Variants in BCAS3 observed in about 807,000 individuals in gnomAD.
The protein encoded by BCAS3 is BCAS3 microtubule associated cell migration factor.
BCAS3 carries 53 observed loss-of-function variants against 116.1 expected under a neutral mutation model. That is an observed-to-expected ratio of 0.46 (90% confidence interval 0.37 to 0.57). BCAS3 has a LOEUF of 0.57. BCAS3 is among the 20% of genes least tolerant of loss of function. The pLI, the probability that BCAS3 is intolerant of heterozygous loss-of-function variation, is 0.00. For synonymous variants in BCAS3, 391 were observed against 408.2 expected, an observed-to-expected ratio of 0.96 and a Z score of 0.51; for missense variants, 917 against 1,165.4, an observed-to-expected ratio of 0.79 and a Z score of 3.10.
intron 22 of BCAS3, among the ~76,000 whole-genome samples, chr17:61,168,447 T>A (rs913094742): frequency 1.3e-5 from 2 of 152,240 alleles, no homozygotes; most frequent in African/African-American, 4.8e-5. Flanking sequence ...AATTTATTTT[T>A]AACAGGGACT....
chr17:61,015,355 A>G (rs1407854237), intron 15 of BCAS3, among the ~76,000 whole-genome samples: 1 of 152,192 alleles, frequency 6.6e-6, no homozygotes, highest in Admixed American at 6.5e-5. Context: ...CAGGGGTGCT[A>G]TCATAGCTCA....
At chr17:60,880,282 A>G (rs1022046850) in intron 9 of BCAS3, among the ~76,000 whole-genome samples, 1 of 135,350 alleles carries the variant, frequency 7.4e-6, no homozygotes, top group Non-Finnish European at 1.6e-5. Flanking sequence ...TTTTTTTTTT[A>G]TTGTTGTTGT....
chr17:60,695,226 T>C (rs2035434510), intron 4 of BCAS3, among the ~76,000 whole-genome samples: 1 of 151,544 alleles, frequency 6.6e-6, no homozygotes, highest in Non-Finnish European at 1.5e-5. Flanking sequence ...GTTCAAGCGA[T>C]TCTCCTGCCT....
intron 22 of BCAS3, among the ~76,000 whole-genome samples, chr17:61,298,819 T>TTTA (rs1555814151): frequency 1.6e-4 from 16 of 98,122 alleles, no homozygotes; most frequent in Non-Finnish European, 2.8e-4. Context: ...TATTTATTTA[T>TTTA]TTATTATTAT....
chr17:61,372,262 C>T (rs769723462), intron 23 of BCAS3, among the ~76,000 whole-genome samples: 5 of 152,186 alleles, frequency 3.3e-5, no homozygotes, highest in Non-Finnish European at 7.3e-5. Context: ...AGCGCAGTGT[C>T]TGCAATAGAG....
intron 14 of BCAS3, among the ~76,000 whole-genome samples, chr17:60,971,066 A>T (rs2061931881): frequency 6.6e-6 from 1 of 152,244 alleles, no homozygotes; most frequent in Non-Finnish European, 1.5e-5. Context: ...TGTAGGCTTG[A>T]TAAGCAGCTT....
In BCAS3 at chr17:61,136,476, GGC is replaced by G. The variant is rs2076646121; in HGVS notation, c.2425+51913_2425+51914del. Among the ~76,000 whole-genome samples the G allele has an allele frequency of 6.6e-6, 1 of 152,096 alleles. No homozygotes were observed. ...ATATAGGATGTTTAGCAGAACCCCT[GGC>G]CTCTACCCGTTAGATAGCAGCACGC... On this transcript the variant is annotated intron_variant, in intron 22 of 23. Transcript: ENST00000407086. The surrounding 1 kb of genome is among the most constrained non-coding windows in gnomAD (Gnocchi z 4.4).
Position 60,845,785 on chromosome 17 carries a change from CT to C in BCAS3, c.477-22778del, listed in dbSNP as rs199827244. On this transcript the variant is annotated intron_variant, in intron 7 of 23. Coordinates refer to ENST00000407086, the MANE Select transcript of BCAS3 (RefSeq NM_017679.5). ...CTTCTTTCTTTCTCTTTTCTTTTTC[CT>C]TTTTTTTTTTTTCTCTCTCTCTCTC... Among the ~76,000 whole-genome samples, 456 of 144,726 alleles carry C rather than the reference CT, an allele frequency of 3.2e-3. 1 individual carries two copies. The highest frequency in any genetic ancestry group is 6.1e-3 in the African/African-American group (241 of 39,604). 94.9% of individuals were successfully genotyped at this position (144,726 alleles called of 152,430 possible).
Position 61,315,411 on chromosome 17 carries a change from G to A in BCAS3, c.2426-52916G>A, listed in dbSNP as rs796583175. ...TGGGATTACAGGTGTGAGCCACCGC[G>A]CCCAGCCAACGCACTCCTGTTCTGA... On this transcript the variant is annotated intron_variant, in intron 22 of 23. Coordinates refer to ENST00000407086, the MANE Select transcript of BCAS3 (RefSeq NM_017679.5). The surrounding 1 kb of genome is among the most constrained non-coding windows in gnomAD (Gnocchi z 5.3). Among the ~76,000 whole-genome samples the A allele has an allele frequency of 1.4e-4, 22 of 152,240 alleles. No individual in the cohort carries two copies. The highest frequency in any genetic ancestry group is 3.4e-4 in the African/African-American group (14 of 41,556).
intron 13 of BCAS3, among the ~76,000 whole-genome samples, chr17:60,943,586 A>C (rs953116915): frequency 6.6e-6 from 1 of 152,098 alleles, no homozygotes; most frequent in South Asian, 2.1e-4. Flanking sequence ...AACTTAGGAA[A>C]ACTACACATG....
rs553595555 is a variant in BCAS3, at chr17:61,244,249, T to C, written c.2426-124078T>C. ...CTACAGTTAACAACTATTAACATTA[T>C]GGTATTTATTAAGATTCTTCTATGC... On this transcript the variant is annotated intron_variant, in intron 22 of 23. Coordinates refer to ENST00000407086, the MANE Select transcript of BCAS3 (RefSeq NM_017679.5). The surrounding 1 kb of genome is among the most constrained non-coding windows in gnomAD (Gnocchi z 4.9). 1.3e-5 allele frequency among the ~76,000 whole-genome samples: 2 copies of C among 152,324 alleles called. No individual in the cohort carries two copies. Among genetic ancestry groups the C allele is most frequent in the South Asian group, 2.1e-4 (1 of 4,824 alleles).
Position 61,282,951 on chromosome 17 carries a change from A to G in BCAS3, c.2426-85376A>G, listed in dbSNP as rs1377420087. On this transcript the variant is annotated intron_variant, in intron 22 of 23. Coordinates refer to ENST00000407086, the MANE Select transcript of BCAS3 (RefSeq NM_017679.5). This position sits in a 1 kb window ranked among gnomAD's most constrained non-coding sequence, Gnocchi z 5.9. ...TATATTTGTATATTATATATAATAC[A>G]TATTTTATATTTTTATATATAAATT... is the stretch of plus-strand genomic sequence containing the variant. Among the ~76,000 whole-genome samples, 3 of 150,060 alleles carry G rather than the reference A, an allele frequency of 2.0e-5. No homozygotes were observed. Among genetic ancestry groups the G allele is most frequent in the Non-Finnish European group, 3.0e-5 (2 of 67,594 alleles).
At chr17:60,853,522 T>C (rs890766552) in intron 7 of BCAS3, among the ~76,000 whole-genome samples, 1 of 152,236 alleles carries the variant, frequency 6.6e-6, no homozygotes, top group Non-Finnish European at 1.5e-5. Context: ...ACCTTTTTTA[T>C]TTTTACACAT....
chr17:60,941,012 C>T (rs1258761670), intron 13 of BCAS3, among the ~76,000 whole-genome samples: 1 of 152,158 alleles, frequency 6.6e-6, no homozygotes, highest in Non-Finnish European at 1.5e-5. Flanking sequence ...TCGTGTGAGG[C>T]CACAAAAGCC....
chr17:61,091,786 A>T (rs1050638204), intron 22 of BCAS3, among the ~76,000 whole-genome samples: 4 of 152,200 alleles, frequency 2.6e-5, no homozygotes, highest in African/African-American at 9.7e-5. Flanking sequence ...AATGACCACT[A>T]ATTTGTGGAT....
chr17:61,246,027 G>C lies in BCAS3; in HGVS notation c.2426-122300G>C, dbSNP rs923469219. Among the ~76,000 whole-genome samples the C allele has an allele frequency of 2.0e-5, 3 of 152,124 alleles. No individual in the cohort carries two copies. In the East Asian group the frequency reaches 5.8e-4, roughly 29 times the overall value. ...CCAGGGTTCCACAGTGATTGGGAGGGCTGAGACTTTAGAATTCTGCCTTCT... is the reference window on the plus strand; with the variant it reads ...CCAGGGTTCCACAGTGATTGGGAGGCCTGAGACTTTAGAATTCTGCCTTCT... On this transcript the variant is annotated intron_variant, in intron 22 of 23. Coordinates refer to ENST00000407086, the MANE Select transcript of BCAS3 (RefSeq NM_017679.5).
At chr17:60,729,761 G>T (rs1234877042) in intron 5 of BCAS3, among the ~76,000 whole-genome samples, 1 of 152,140 alleles carries the variant, frequency 6.6e-6, no homozygotes, top group African/African-American at 2.4e-5. Flanking sequence ...TGGTTTATCT[G>T]TTGCACTGCT....
chr17:61,015,649 T>A (rs1268678708), intron 15 of BCAS3, 102 bp from the exon 16 acceptor site: 1 of 1,208,708 alleles, frequency 8.3e-7, no homozygotes. Flanking sequence ...TTGATGCCTT[T>A]CTTAAATGAT....
At position 61,344,758 on chromosome 17, in the gene BCAS3, T is replaced by C. The variant is rs1273875203; in HGVS notation, c.2426-23569T>C. ...TGGAGGGACTGAGGGAGGTTCATCA[T>C]GGCTTACCAAAAGGAAGGGAGTGGG... On this transcript the variant is annotated intron_variant, in intron 22 of 23. Coordinates refer to ENST00000407086, the MANE Select transcript of BCAS3 (RefSeq NM_017679.5). This position sits in a 1 kb window ranked among gnomAD's most constrained non-coding sequence, Gnocchi z 4.1. 6.6e-6 allele frequency among the ~76,000 whole-genome samples: 1 copy of C among 152,100 alleles called. No homozygotes were observed. Among genetic ancestry groups the C allele is most frequent in the Non-Finnish European group, 1.5e-5 (1 of 68,004 alleles).
Sources: allele counts gnomAD v4.1 joint callset (sites outside exome capture counted in the v4.1 genomes callset), GRCh38; gene constraint gnomAD v4.1.1; non-coding constraint Gnocchi (gnomAD v3.1); transcripts MANE v1.5; gene names NCBI Gene and HGNC (gene_info 2026-07-23, HGNC 2026-07-21).